Variants in SSTR1 observed in about 807,000 individuals in gnomAD.
SSTR1 encodes the protein somatostatin receptor 1, also known as somatostatin receptor type 1.
Under a neutral mutation model 20.7 loss-of-function variants are expected in SSTR1, and 10 were observed. That is an observed-to-expected ratio of 0.48 (90% CI 0.30 to 0.82). The LOEUF is 0.82. Ranked by LOEUF, SSTR1 falls within the 40% of genes least tolerant of loss-of-function variation. SSTR1 has a pLI of 0.07. For synonymous variants in SSTR1, 267 were observed against 227.8 expected, an observed-to-expected ratio of 1.17 and a Z score of -1.55; for missense variants, 494 against 540.0, an observed-to-expected ratio of 0.91 and a Z score of 0.84.
At position 38,210,558 on chromosome 14, in the gene SSTR1, C is replaced by CGCTCTGAGCCCGGGCCACGCAGTG; in HGVS notation, c.*15_*16insTGGCTCTGAGCCCGGGCCACGCAG. The CGCTCTGAGCCCGGGCCACGCAGTG allele has an allele frequency of 6.5e-7, 1 of 1,533,868 alleles. No individual in the cohort carries two copies. The highest frequency in any genetic ancestry group is 8.8e-7 in the Non-Finnish European group (1 of 1,130,636). On this transcript the variant is annotated stop_gained and inframe_insertion, in exon 3 of 3. Transcript: ENST00000267377. LOFTEE classifies it high-confidence loss of function. ...GGCACCTGCACGTCCCGGATCACGA[C>CGCTCTGAGCCCGGGCCACGCAGTG]GCTCTGAGCCCGGGCCACGCAGGGG...
At position 38,210,069 on chromosome 14, in the gene SSTR1, C is replaced by T. The variant is rs115910667; in HGVS notation, c.680C>T (p.Thr227Ile). ...TGGCTGGTGGGCTTCGTGTTGTACA[C>T]ATTTCTCATGGGCTTCCTGCTGCCC... ...QRWLVGFVLY[T>I]FLMGFLLPVG... The change falls in exon 3 of 3, where the codon ACA becomes ATA. Residue 227 changes from threonine (T) to isoleucine (I), a missense_variant. Thr to Ile is a moderately conservative substitution (Grantham distance 89, BLOSUM62 -1). Coordinates refer to ENST00000267377, the MANE Select transcript of SSTR1 (RefSeq NM_001049.3). 5.6e-6 allele frequency: 9 copies of T among 1,614,108 alleles called. No homozygotes were observed. In the African/African-American group the frequency reaches 9.3e-5, roughly 17 times the overall value.
chr14:38,209,876 A>G lies in SSTR1; in HGVS notation c.487A>G (p.Ile163Val), dbSNP rs1883290185. 1.9e-6 allele frequency: 3 copies of G among 1,613,714 alleles called. 1 individual carries two copies. The Admixed American group carries it at 5.0e-5, about 27-fold the overall frequency. Reference sequence around the variant, plus strand: ...CCGCTACGTGGCCGTGGTGCATCCCATCAAGGCGGCCCGCTACCGCCGGCC... The same window carrying G: ...CCGCTACGTGGCCGTGGTGCATCCCGTCAAGGCGGCCCGCTACCGCCGGCC... Reference protein sequence around the residue: ...VDRYVAVVHPIKAARYRRPTV... With the variant: ...VDRYVAVVHPVKAARYRRPTV... The change falls in exon 3 of 3, where the codon ATC (isoleucine) becomes GTC (valine). Residue 163 changes from isoleucine to valine, a missense_variant. Ile to Val is a conservative substitution (Grantham distance 29, BLOSUM62 3). Around this residue, in one of 3 missense-constraint regions of SSTR1, gnomAD observed 116 missense variants for 174.6 expected, o/e 0.66. Transcript: ENST00000267377.
rs10130808 is a variant in SSTR1, at chr14:38,209,797, G to A, written c.408G>A (p.Val136=). ...TGCTCTGCCGCCTCGTGCTCAGCGT[G>A]GACGCGGTCAACATGTTCACCAGCA... The part of the protein sequence containing the change: ...GALLCRLVLS[V]DAVNMFTSIY... The change falls in exon 3 of 3, where the codon GTG becomes GTA. Residue 136 remains valine (V), a synonymous_variant. Transcript: ENST00000267377. 2,074 of 1,613,946 alleles carry A rather than the reference G, an allele frequency of 1.3e-3. 16 individuals carry two copies. In the African/African-American group the frequency reaches 0.018, roughly 14 times the overall value.
At position 38,209,661 on chromosome 14, in the gene SSTR1, C is replaced by G. The variant is rs753890091; in HGVS notation, c.272C>G (p.Thr91Arg). 1.2e-6 allele frequency: 2 copies of G among 1,614,076 alleles called. No individual in the cohort carries two copies. Among genetic ancestry groups the G allele is most frequent in the Admixed American group, 1.7e-5 (1 of 60,026 alleles). Residue 91 changes from threonine (T) to arginine (R), a missense_variant, in exon 3 of 3, where the codon ACG becomes AGG. Thr to Arg is a moderately conservative substitution (Grantham distance 71). This residue lies in a region of SSTR1 where 116 missense variants were observed against 174.6 expected (regional missense o/e 0.66). Transcript: ENST00000267377. ...YVILRYAKMK[T>R]ATNIYILNLA... ...ATCCTGCGCTATGCCAAGATGAAGA[C>G]GGCCACCAACATCTACATCCTAAAT... is the stretch of plus-strand genomic sequence containing the variant.
Position 38,210,568 on chromosome 14 carries a change from C to T in SSTR1, c.*3C>T, listed in dbSNP as rs372444032. 2.9e-5 allele frequency: 46 copies of T among 1,564,608 alleles called. No individual in the cohort carries two copies. In the African/African-American group the frequency reaches 5.8e-4, roughly 20 times the overall value. ...CGTCCCGGATCACGACGCTCTGAGC[C>T]CGGGCCACGCAGGGGCTCTGAGCCC... On this transcript the variant is annotated 3_prime_UTR_variant, in exon 3 of 3. Transcript: ENST00000267377.
At position 38,210,216 on chromosome 14, in the gene SSTR1, T is replaced by C; in HGVS notation, c.827T>C (p.Val276Ala). Residue 276 changes from valine to alanine, a missense_variant, in exon 3 of 3, where the codon GTG becomes GCG. Val to Ala is a moderately conservative substitution (Grantham distance 64, BLOSUM62 0). Transcript: ENST00000267377. ...AAGATCACCTTAATGGTGATGATGG[T>C]GGTGATGGTGTTTGTCATCTGCTGG... is the stretch of plus-strand genomic sequence containing the variant. ...ERKITLMVMM[V>A]VMVFVICWMP... 1 of 1,614,240 alleles carries C rather than the reference T, an allele frequency of 6.2e-7. No homozygotes were observed. Among genetic ancestry groups the C allele is most frequent in the Non-Finnish European group, 8.5e-7 (1 of 1,180,048 alleles).
At position 38,212,955 on chromosome 14, in the gene SSTR1, T is replaced by C. The variant is rs1180407429; in HGVS notation, c.*2390T>C. On this transcript the variant is annotated 3_prime_UTR_variant, in exon 3 of 3. Coordinates refer to ENST00000267377, the MANE Select transcript of SSTR1 (RefSeq NM_001049.3). ...TTTTTAATGGTTAAGAACTGTGAAA[T>C]TTACAAATCAAAATCTTAATCATTA... is the stretch of plus-strand genomic sequence containing the variant. 1 of 167,050 alleles carries C rather than the reference T, an allele frequency of 6.0e-6. No individual in the cohort carries two copies. The highest frequency in any genetic ancestry group is 1.5e-5 in the Non-Finnish European group (1 of 68,114). The allele number at this position is 167,050 out of a possible 1,614,324, so 10.3% of individuals were successfully genotyped here.
Position 38,209,930 on chromosome 14 carries a change from G to A in SSTR1, c.541G>A (p.Val181Met). The change falls in exon 3 of 3, where the codon GTG (valine) becomes ATG (methionine). Residue 181 changes from valine to methionine, a missense_variant. By Grantham distance (21) the Val-to-Met change is conservative (BLOSUM62 1). Transcript: ENST00000267377. ...PTVAKVVNLG[V>M]WVLSLLVILP... ...CGTGGCCAAGGTAGTAAACCTGGGC[G>A]TGTGGGTGCTATCGCTGCTCGTCAT... 6.2e-7 allele frequency: 1 copy of A among 1,613,942 alleles called. No individual in the cohort carries two copies. Among genetic ancestry groups the A allele is most frequent in the Non-Finnish European group, 8.5e-7 (1 of 1,180,046 alleles).
rs1209023351 is a variant in SSTR1, at chr14:38,210,735, A to T, written c.*170A>T. The T allele has an allele frequency of 1.4e-6, 2 of 1,416,556 alleles. No homozygotes were observed. Among genetic ancestry groups the T allele is most frequent in the Non-Finnish European group, 1.9e-6 (2 of 1,077,260 alleles). 87.7% of individuals were successfully genotyped at this position (1,416,556 alleles called of 1,614,324 possible). ...CTGACAGCCTTTGATGGAGGAACCC[A>T]AGAAAGGCGCGCGACAATGGTAGAA... is the stretch of plus-strand genomic sequence containing the variant. On this transcript the variant is annotated 3_prime_UTR_variant, in exon 3 of 3. Transcript: ENST00000267377.
rs555306032 is a variant in SSTR1, at chr14:38,210,858, C to T, written c.*293C>T. 1 of 503,526 alleles carries T rather than the reference C, an allele frequency of 2.0e-6. No homozygotes were observed. The highest frequency in any genetic ancestry group is 3.3e-6 in the Non-Finnish European group (1 of 300,750). 31.2% of individuals were successfully genotyped at this position (503,526 alleles called of 1,614,324 possible). A position where few individuals can be genotyped will look rare whatever the true frequency, so the allele number is the denominator to read the frequency against. ...CCTCCACTGCGCTTACTCCTCTGAC[C>T]CTCCTTCTATTTTCCCTACCCTGCA... On this transcript the variant is annotated 3_prime_UTR_variant, in exon 3 of 3. Transcript: ENST00000267377.
Position 38,209,491 on chromosome 14 carries a change from T to G in SSTR1, c.102T>G (p.Ala34=). ...GCAGCAGGGGCCCCGGGGCCGGCGC[T>G]GCGGACGGCATGGAGGAGCCAGGGC... ...GGGSRGPGAG[A]ADGMEEPGRN... Residue 34 remains alanine (A), a synonymous_variant, in exon 3 of 3, where the codon GCT becomes GCG. Coordinates refer to ENST00000267377, the MANE Select transcript of SSTR1 (RefSeq NM_001049.3). The G allele has an allele frequency of 6.3e-7, 1 of 1,575,078 alleles. No homozygotes were observed. The highest frequency in any genetic ancestry group is 1.8e-5 in the Admixed American group (1 of 56,678).
rs535466050 is a variant in SSTR1, at chr14:38,211,899, C to T, written c.*1334C>T. 1.1e-3 allele frequency: 188 copies of T among 167,182 alleles called. 1 individual carries two copies. Among genetic ancestry groups the T allele is most frequent in the Non-Finnish European group, 2.0e-3 (138 of 68,108 alleles). The allele number at this position is 167,182 out of a possible 1,614,324, so 10.4% of individuals were successfully genotyped here. On this transcript the variant is annotated 3_prime_UTR_variant, in exon 3 of 3. Coordinates refer to ENST00000267377, the MANE Select transcript of SSTR1 (RefSeq NM_001049.3). ...AGCCCCAGGTCTTTTCTTTGGGACCCTGGGGGCGGGCATGGAAGTGGAAGT... is the reference window on the plus strand; with the variant it reads ...AGCCCCAGGTCTTTTCTTTGGGACCTTGGGGGCGGGCATGGAAGTGGAAGT...
At position 38,209,508 on chromosome 14, in the gene SSTR1, A is replaced by G; in HGVS notation, c.119A>G (p.Glu40Gly). The change falls in exon 3 of 3, where the codon GAG (glutamate) becomes GGG (glycine). Residue 40 changes from glutamate to glycine, a missense_variant. Glu to Gly is a moderately conservative substitution (Grantham distance 98, BLOSUM62 -2). Around this residue, in one of 3 missense-constraint regions of SSTR1, gnomAD observed 98 missense variants for 79.3 expected, o/e 1.24. Transcript: ENST00000267377. ...PGAGAADGME[E>G]PGRNASQNGT... ...GCCGGCGCTGCGGACGGCATGGAGG[A>G]GCCAGGGCGAAATGCGTCCCAGAAC... 1 of 1,588,748 alleles carries G rather than the reference A, an allele frequency of 6.3e-7. No homozygotes were observed. Among genetic ancestry groups the G allele is most frequent in the Non-Finnish European group, 8.6e-7 (1 of 1,166,084 alleles).
intron 1 of SSTR1, 40 bp downstream of exon 1, chr14:38,208,144 G>A (rs2139294986): frequency 6.6e-6 from 1 of 152,392 alleles, no homozygotes; most frequent in Non-Finnish European, 1.5e-5. Flanking sequence ...GCCCTTCCAA[G>A]CGGCGCAGCC....
At chr14:38,208,931 G>A (rs1230334632) in intron 2 of SSTR1, 115 bp from the exon 3 acceptor site, 1 of 156,992 alleles carries the variant, frequency 6.4e-6, no homozygotes, top group Non-Finnish European at 1.4e-5. Flanking sequence ...ACCCCGGAAG[G>A]AGCCACTAAA....
At position 38,210,730 on chromosome 14, in the gene SSTR1, A is replaced by G. The variant is rs375196767; in HGVS notation, c.*165A>G. 76 of 1,424,586 alleles carry G rather than the reference A, an allele frequency of 5.3e-5. No homozygotes were observed. In the African/African-American group the frequency reaches 6.8e-4, roughly 13 times the overall value. 88.2% of individuals were successfully genotyped at this position (1,424,586 alleles called of 1,614,324 possible). On this transcript the variant is annotated 3_prime_UTR_variant, in exon 3 of 3. Transcript: ENST00000267377. The stretch of plus-strand genomic sequence containing the variant: ...GGACACTGACAGCCTTTGATGGAGG[A>G]ACCCAAGAAAGGCGCGCGACAATGG...
chr14:38,211,816 A>G lies in SSTR1; in HGVS notation c.*1251A>G, dbSNP rs1379422873. The G allele has an allele frequency of 6.0e-6, 1 of 167,024 alleles. No homozygotes were observed. Among genetic ancestry groups the G allele is most frequent in the Non-Finnish European group, 1.5e-5 (1 of 68,128 alleles). 10.3% of individuals were successfully genotyped at this position (167,024 alleles called of 1,614,324 possible). ...ATTTTCTTGTTTAACATATATATTT[A>G]TTAATTTATTTGTCGTGTTGGAAAA... On this transcript the variant is annotated 3_prime_UTR_variant, in exon 3 of 3. Transcript: ENST00000267377.
rs1432027816 is a variant in SSTR1 at position 38,210,339 on chromosome 14, G to A, written c.950G>A (p.Cys317Tyr). The A allele has an allele frequency of 1.2e-6, 2 of 1,614,128 alleles. No homozygotes were observed. Among genetic ancestry groups the A allele is most frequent in the African/African-American group, 2.7e-5 (2 of 74,940 alleles). The change falls in exon 3 of 3, where the codon TGC becomes TAC. Residue 317 changes from cysteine to tyrosine, a missense_variant. Cys to Tyr is a radical substitution (Grantham distance 194). Around this residue, in one of 3 missense-constraint regions of SSTR1, gnomAD observed 280 missense variants for 286.1 expected, o/e 0.98. Coordinates refer to ENST00000267377, the MANE Select transcript of SSTR1 (RefSeq NM_001049.3). ...GTCATCCTCGGCTATGCCAACAGCTGCGCCAACCCCATCCTCTATGGCTTT... is the reference window on the plus strand; with the variant it reads ...GTCATCCTCGGCTATGCCAACAGCTACGCCAACCCCATCCTCTATGGCTTT... ...LSVILGYANS[C>Y]ANPILYGFLS...
chr14:38,209,930 G>C lies in SSTR1; in HGVS notation c.541G>C (p.Val181Leu), dbSNP rs1156534772. 7.4e-6 allele frequency: 12 copies of C among 1,613,944 alleles called. No homozygotes were observed. The highest frequency in any genetic ancestry group is 1.0e-5 in the Non-Finnish European group (12 of 1,180,048). Residue 181 changes from valine (V) to leucine (L), a missense_variant, in exon 3 of 3, where the codon GTG (valine) becomes CTG (leucine). Coordinates refer to ENST00000267377, the MANE Select transcript of SSTR1 (RefSeq NM_001049.3). Reference sequence around the variant, plus strand: ...CGTGGCCAAGGTAGTAAACCTGGGCGTGTGGGTGCTATCGCTGCTCGTCAT... The same window carrying C: ...CGTGGCCAAGGTAGTAAACCTGGGCCTGTGGGTGCTATCGCTGCTCGTCAT... ...PTVAKVVNLG[V>L]WVLSLLVILP...
Sources: gnomAD v4.1 joint callset for allele counts on GRCh38, gnomAD v4.1.1 for gene constraint, gnomAD v4.1.1 regional missense constraint, MANE v1.5 for transcripts, NCBI Gene and HGNC (gene_info 2026-07-23, HGNC 2026-07-21) for gene names.